RBKS: variants seen among roughly 807,000 people sequenced by gnomAD.
RBKS encodes the protein ribokinase.
A neutral mutation model predicts 33.9 loss-of-function variants in RBKS; 33 were observed. The observed-to-expected ratio is 0.97, with a 90% CI of 0.74 to 1.30. RBKS has a LOEUF of 1.30. RBKS is among the 50% of genes most tolerant of loss of function. The probability of loss-of-function intolerance (pLI) is 0.00; values close to 1 mark genes in which losing one functional copy is unlikely to be tolerated. For missense variants in RBKS, 361 were observed against 392.6 expected (o/e 0.92, Z 0.68); for synonymous variants, 125 against 143.0 (o/e 0.87, Z 0.90).
chr2:27,803,449 G>A (rs13030908), intron 7 of RBKS, among the ~76,000 whole-genome samples: 1 of 152,210 alleles, frequency 6.6e-6, no homozygotes, highest in Non-Finnish European at 1.5e-5. Context: ...TGTAATCCCA[G>A]CGCTTTGGGA....
At chr2:27,866,718 G>A (rs890603447) in intron 1 of RBKS, among the ~76,000 whole-genome samples, 9 of 151,944 alleles carry the variant, frequency 5.9e-5, no homozygotes, top group African/African-American at 2.2e-4. Context: ...TCATTTTTTA[G>A]ACCTGGAATT....
At chr2:27,798,041 G>A (rs1677694625) in intron 7 of RBKS, among the ~76,000 whole-genome samples, 1 of 152,114 alleles carries the variant, frequency 6.6e-6, no homozygotes, top group African/African-American at 2.4e-5. Flanking sequence ...CACCAGAATA[G>A]AGGGCATCTA....
chr2:27,848,941 CT>C (rs925464310), intron 2 of RBKS, among the ~76,000 whole-genome samples: 1 of 151,964 alleles, frequency 6.6e-6, no homozygotes, highest in Non-Finnish European at 1.5e-5. Context: ...AGTCCTGGGA[CT>C]TTTACTGAAA....
intron 7 of RBKS, among the ~76,000 whole-genome samples, chr2:27,803,028 C>G (rs909010935): frequency 6.6e-6 from 1 of 152,180 alleles, no homozygotes; most frequent in Non-Finnish European, 1.5e-5. Flanking sequence ...CAGAGTCTCT[C>G]TTTGTTGCCC....
At chr2:27,800,506 A>T (rs1235109765) in intron 7 of RBKS, among the ~76,000 whole-genome samples, 1 of 152,146 alleles carries the variant, frequency 6.6e-6, no homozygotes, top group South Asian at 2.1e-4. Context: ...AATGTATGTG[A>T]AAAGGCTTAG....
intron 1 of RBKS, among the ~76,000 whole-genome samples, chr2:27,861,065 T>C (rs1381580795): frequency 6.6e-6 from 1 of 152,132 alleles, no homozygotes; most frequent in African/African-American, 2.4e-5. Context: ...CCTCCTTGAT[T>C]CAAGTGATTC....
At chr2:27,811,035 C>T (rs1023361840) in intron 7 of RBKS, among the ~76,000 whole-genome samples, 1 of 152,184 alleles carries the variant, frequency 6.6e-6, no homozygotes, top group African/African-American at 2.4e-5. Context: ...CTCCTTTGTA[C>T]TCAGGTCTTT....
At chr2:27,801,272 T>A (rs531458009) in intron 7 of RBKS, among the ~76,000 whole-genome samples, 1 of 152,220 alleles carries the variant, frequency 6.6e-6, no homozygotes, top group South Asian at 2.1e-4. Context: ...CCACCTGACC[T>A]ACTTACTCCA....
intron 4 of RBKS, 83 bp from the exon 5 acceptor site, chr2:27,843,314 C>G: frequency 9.9e-7 from 1 of 1,012,922 alleles, no homozygotes. Context: ...TACAATCGCC[C>G]TTGTAAAGTC....
At chr2:27,856,359 C>T (rs1158014243) in intron 2 of RBKS, among the ~76,000 whole-genome samples, 1 of 152,194 alleles carries the variant, frequency 6.6e-6, no homozygotes, top group African/African-American at 2.4e-5. Context: ...CATAAACCAT[C>T]ACACACAAAT....
chr2:27,848,473 C>A (rs1663667027), intron 2 of RBKS, among the ~76,000 whole-genome samples: 1 of 152,124 alleles, frequency 6.6e-6, no homozygotes, highest in Admixed American at 6.5e-5. Context: ...CATGACTTGC[C>A]TGATGTTCCA....
chr2:27,890,195 G>A lies in RBKS; in HGVS notation c.89+62C>T. 6.6e-7 allele frequency: 1 copy of A among 1,510,880 alleles called. No homozygotes were observed. Among genetic ancestry groups the A allele is most frequent in the Non-Finnish European group, 9.1e-7 (1 of 1,093,998 alleles). The allele number at this position is 1,510,880 out of a possible 1,614,324, so 93.6% of individuals were successfully genotyped here. Reference sequence around the variant, plus strand: ...CCAGCGCCCAAAAGCTCCACTGGGCGCATAGCGCACGGCACGCCTCCTCCC... The same window carrying A: ...CCAGCGCCCAAAAGCTCCACTGGGCACATAGCGCACGGCACGCCTCCTCCC... On this transcript the variant is annotated intron_variant, in intron 1 of 7. Transcript: ENST00000302188. The surrounding 1 kb of genome is among the most constrained non-coding windows in gnomAD (Gnocchi z 4.8).
chr2:27,806,329 A>G (rs962468536), intron 7 of RBKS, among the ~76,000 whole-genome samples: 17 of 152,252 alleles, frequency 1.1e-4, no homozygotes, highest in Non-Finnish European at 2.4e-4. Context: ...ACAAAAAGGT[A>G]TATCTGGCCA....
intron 2 of RBKS, among the ~76,000 whole-genome samples, chr2:27,854,320 G>T (rs1663808648): frequency 6.6e-6 from 1 of 152,174 alleles, no homozygotes; most frequent in Admixed American, 6.5e-5. Context: ...TCTGCATGCA[G>T]CCTGGCACCA....
At chr2:27,872,436 A>T (rs1227870438) in intron 1 of RBKS, among the ~76,000 whole-genome samples, 2 of 152,154 alleles carry the variant, frequency 1.3e-5, no homozygotes, top group African/African-American at 2.4e-5. Flanking sequence ...GTGAAAAGAA[A>T]AAAAGACAGG....
intron 5 of RBKS, among the ~76,000 whole-genome samples, chr2:27,834,687 T>G (rs1297841943): frequency 1.3e-5 from 2 of 152,200 alleles, no homozygotes; most frequent in African/African-American, 4.8e-5. Context: ...CTGTTCCCAG[T>G]TTTCCTCAAG....
intron 5 of RBKS, among the ~76,000 whole-genome samples, chr2:27,835,839 G>A (rs1409252311): frequency 2.6e-5 from 4 of 152,072 alleles, no homozygotes; most frequent in Non-Finnish European, 5.9e-5. Flanking sequence ...CCAAACTAAT[G>A]AGCCATTAGT....
chr2:27,820,304 A>AT (rs1046055810), intron 7 of RBKS, among the ~76,000 whole-genome samples: 115 of 152,306 alleles, frequency 7.6e-4, no homozygotes, highest in African/African-American at 2.7e-3. Context: ...AATAATGATC[A>AT]TAACAGCTGG....
At chr2:27,886,187 C>T (rs533972405) in intron 1 of RBKS, among the ~76,000 whole-genome samples, 13 of 152,064 alleles carry the variant, frequency 8.5e-5, no homozygotes, top group Middle Eastern at 3.4e-3. Flanking sequence ...TTACTACATA[C>T]GACTTACTAT....
Sources: allele counts gnomAD v4.1 joint callset (sites outside exome capture counted in the v4.1 genomes callset), GRCh38; gene constraint gnomAD v4.1.1; non-coding constraint Gnocchi (gnomAD v3.1); transcripts MANE v1.5; gene names NCBI Gene and HGNC (gene_info 2026-07-23, HGNC 2026-07-21).